Variants in LARGE1 observed in about 807,000 individuals in gnomAD.
LARGE1 encodes xylosyl- and glucuronyltransferase LARGE1.
LARGE1 carries 43 observed loss-of-function variants against 87.6 expected under a neutral mutation model. The ratio of observed to expected loss-of-function variants is 0.49; its 90% CI spans 0.38 to 0.63. The LOEUF is 0.63. Among genes scored for constraint, LARGE1 ranks in the 30% least tolerant of loss-of-function variants. LARGE1 has a pLI of 0.00. For synonymous variants in LARGE1, 434 were observed against 394.6 expected (o/e 1.10, Z -1.18); for missense variants, 802 against 1,000.2 (o/e 0.80, Z 2.67).
chr22:33,159,685 C>T (rs962152299), downstream of LARGE1, among the ~76,000 whole-genome samples: 4 of 151,270 alleles, frequency 2.6e-5, no homozygotes, highest in Admixed American at 6.6e-5. Flanking sequence ...CCCGGGTTCA[C>T]GCCATTCTCC....
At chr22:33,351,792 T>C (rs1346298545) in intron 9 of LARGE1, among the ~76,000 whole-genome samples, 3 of 151,536 alleles carry the variant, frequency 2.0e-5, no homozygotes, top group African/African-American at 4.8e-5. Context: ...CCCAGGCTGG[T>C]GTGCAGTGGT....
intron 6 of LARGE1, among the ~76,000 whole-genome samples, chr22:33,495,612 G>A (rs572421882): frequency 2.0e-5 from 3 of 152,198 alleles, no homozygotes; most frequent in Admixed American, 6.5e-5. Context: ...CCAGCTACTC[G>A]GGAGGCTGAG....
At chr22:33,098,839 G>C in the LARGE1 span, among the ~76,000 whole-genome samples, 1 of 152,152 alleles carries the variant, frequency 6.6e-6, no homozygotes, top group Non-Finnish European at 1.5e-5. Flanking sequence ...GAAGAGGACA[G>C]AAAGTGAGAA....
At chr22:33,326,324 A>G (rs956024333) in intron 10 of LARGE1, among the ~76,000 whole-genome samples, 2 of 152,336 alleles carry the variant, frequency 1.3e-5, no homozygotes, top group African/African-American at 2.4e-5. Context: ...GTCTTGTGCT[A>G]GGAATGGGGA....
intron 6 of LARGE1, among the ~76,000 whole-genome samples, chr22:33,472,667 C>T (rs951217826): frequency 5.9e-5 from 9 of 152,070 alleles, no homozygotes; most frequent in South Asian, 2.1e-4. Flanking sequence ...GTGAAAAAGA[C>T]GTCAATAAGC....
intron 4 of LARGE1, 71 bp from the exon 5 acceptor site, chr22:33,604,629 A>G: frequency 1.9e-6 from 3 of 1,593,396 alleles, no homozygotes; most frequent in South Asian, 2.2e-5. Flanking sequence ...GCAAAAACAC[A>G]CTCTTCACAG....
At chr22:33,327,812 G>C (rs944767673) in intron 10 of LARGE1, among the ~76,000 whole-genome samples, 2 of 152,162 alleles carry the variant, frequency 1.3e-5, no homozygotes, top group Admixed American at 6.5e-5. Context: ...CAAAGTGCTG[G>C]GATTACAGGT....
chr22:33,639,882 G>A (rs1314629234), intron 3 of LARGE1, among the ~76,000 whole-genome samples: 1 of 152,198 alleles, frequency 6.6e-6, no homozygotes, highest in East Asian at 1.9e-4. Flanking sequence ...AATAAGACAG[G>A]CAGCTATTTG....
intron 9 of LARGE1, among the ~76,000 whole-genome samples, chr22:33,349,387 G>A (rs1284938419): frequency 6.6e-6 from 1 of 152,172 alleles, no homozygotes; most frequent in African/African-American, 2.4e-5. Flanking sequence ...GCAGATCCAT[G>A]CTCAGTGCTT....
chr22:33,718,025 C>T (rs184512878), intron 2 of LARGE1, among the ~76,000 whole-genome samples: 35 of 152,306 alleles, frequency 2.3e-4, no homozygotes, highest in South Asian at 8.3e-4. Context: ...TTGTGAGATA[C>T]GCCATTTGAA....
At chr22:33,280,449 C>T (rs965481166) in intron 13 of LARGE1, among the ~76,000 whole-genome samples, 1 of 152,040 alleles carries the variant, frequency 6.6e-6, no homozygotes, top group Non-Finnish European at 1.5e-5. Context: ...TGGTCATCCA[C>T]CTTTAGAATC....
intron 2 of LARGE1, among the ~76,000 whole-genome samples, chr22:33,689,679 C>A (rs1435739936): frequency 1.3e-5 from 2 of 152,144 alleles, no homozygotes; most frequent in Non-Finnish European, 2.9e-5. Context: ...GTAATGCCAG[C>A]ACTTTGGGAG....
intron 11 of LARGE1, among the ~76,000 whole-genome samples, chr22:33,244,736 A>G (rs1299459416): frequency 6.6e-6 from 1 of 152,160 alleles, no homozygotes; most frequent in Non-Finnish European, 1.5e-5. Context: ...CGTGTCTAAA[A>G]TCTGATCCAT....
Position 33,847,136 on chromosome 22 carries a change from C to T in LARGE1, c.-83+72859G>A, listed in dbSNP as rs145982931. Among the ~76,000 whole-genome samples, 534 of 152,298 alleles carry T rather than the reference C, an allele frequency of 3.5e-3. 3 individuals carry two copies. Among genetic ancestry groups the T allele is most frequent in the Middle Eastern group, 0.034 (10 of 294 alleles). ...GGATGCCCAGCTTTAAAATTTCTCT[C>T]TTTTGTACTCTGTCCTTTATTTCTC... On this transcript the variant is annotated intron_variant, in intron 1 of 14. Transcript: ENST00000397394.
At chr22:33,641,851 G>C (rs986545382) in intron 3 of LARGE1, among the ~76,000 whole-genome samples, 1 of 152,100 alleles carries the variant, frequency 6.6e-6, no homozygotes, top group African/African-American at 2.4e-5. Context: ...GAAAAGTAAT[G>C]AACAAAGCCT....
At chr22:33,755,526 C>G (rs2145678462) in intron 2 of LARGE1, among the ~76,000 whole-genome samples, 1 of 152,262 alleles carries the variant, frequency 6.6e-6, no homozygotes, top group East Asian at 1.9e-4. Flanking sequence ...AAAGAAGAAC[C>G]ACATCCCACA....
At chr22:33,175,914 C>G (rs1922842052) in intron 11 of LARGE1, among the ~76,000 whole-genome samples, 1 of 152,118 alleles carries the variant, frequency 6.6e-6, no homozygotes, top group Non-Finnish European at 1.5e-5. Context: ...TACTACAGGG[C>G]TACAGTAACC....
chr22:33,464,652 T>G (rs2148039579), intron 6 of LARGE1, among the ~76,000 whole-genome samples: 1 of 152,216 alleles, frequency 6.6e-6, no homozygotes, highest in South Asian at 2.1e-4. Flanking sequence ...AATTAATATC[T>G]CAGGTATCAT....
At chr22:33,510,788 T>C (rs991187675) in intron 6 of LARGE1, among the ~76,000 whole-genome samples, 1 of 152,172 alleles carries the variant, frequency 6.6e-6, no homozygotes, top group Admixed American at 6.5e-5. Flanking sequence ...AGTTTCACTA[T>C]GTTGCCCAGG....
Sources: gnomAD v4.1 joint callset for allele counts (sites outside exome capture counted in the v4.1 genomes callset) on GRCh38, gnomAD v4.1.1 for gene constraint, MANE v1.5 for transcripts, NCBI Gene and HGNC (gene_info 2026-07-23, HGNC 2026-07-21) for gene names.